KCNH8: variants seen among roughly 807,000 people sequenced by gnomAD.
KCNH8 encodes voltage-gated delayed rectifier potassium channel KCNH8.
In KCNH8, 70 loss-of-function variants were observed where a neutral mutation model predicts 103.6. That is an observed-to-expected ratio of 0.68 (90% CI 0.56 to 0.82). The LOEUF (loss-of-function observed/expected upper bound fraction) is 0.82, where lower values mean the gene tolerates loss of function less well. Ranked by LOEUF, KCNH8 falls within the 40% of genes least tolerant of loss-of-function variation. KCNH8 has a pLI of 0.00. For missense variants in KCNH8, 1,217 were observed against 1,329.9 expected, an observed-to-expected ratio of 0.92 and a Z score of 1.32; for synonymous variants, 498 against 489.4, an observed-to-expected ratio of 1.02 and a Z score of -0.23.
chr3:19,151,472 C>T (rs2063129184), intron 1 of KCNH8, among the ~76,000 whole-genome samples: 1 of 151,856 alleles, frequency 6.6e-6, no homozygotes, highest in Non-Finnish European at 1.5e-5. Context: ...AATTAGAGAG[C>T]AAACAACAAC....
At chr3:19,521,660 C>T (rs1255220615) in intron 15 of KCNH8, among the ~76,000 whole-genome samples, 1 of 151,804 alleles carries the variant, frequency 6.6e-6, no homozygotes, top group Non-Finnish European at 1.5e-5. Flanking sequence ...CTATTTTCAC[C>T]TAAGAGACTT....
chr3:19,366,923 A>G (rs1362318740), intron 5 of KCNH8, among the ~76,000 whole-genome samples: 1 of 152,044 alleles, frequency 6.6e-6, no homozygotes, highest in Non-Finnish European at 1.5e-5. Context: ...TGTGGATGTA[A>G]GTCTTTATGT....
chr3:19,432,377 T>C (rs1378829962), intron 7 of KCNH8, among the ~76,000 whole-genome samples: 1 of 152,164 alleles, frequency 6.6e-6, no homozygotes, highest in Non-Finnish European at 1.5e-5. Context: ...AGACGAGACC[T>C]GTCACTTCAT....
At chr3:19,271,057 T>C (rs2064580517) in intron 2 of KCNH8, among the ~76,000 whole-genome samples, 1 of 152,170 alleles carries the variant, frequency 6.6e-6, no homozygotes. Flanking sequence ...TAGCAATATA[T>C]AGAACCATAA....
chr3:19,524,648 G>T (rs2069031976), intron 15 of KCNH8, among the ~76,000 whole-genome samples: 1 of 151,890 alleles, frequency 6.6e-6, no homozygotes, highest in South Asian at 2.1e-4. Flanking sequence ...GATTTAAAAT[G>T]CATGTAACTT....
At chr3:19,434,717 G>T (rs947992540) in intron 7 of KCNH8, among the ~76,000 whole-genome samples, 4 of 152,022 alleles carry the variant, frequency 2.6e-5, no homozygotes, top group African/African-American at 9.7e-5. Flanking sequence ...TTTATGCTTG[G>T]AATTTGCATT....
chr3:19,258,911 CT>C (rs2064382050), intron 2 of KCNH8, among the ~76,000 whole-genome samples: 1 of 38,018 alleles, frequency 2.6e-5, no homozygotes, highest in African/African-American at 1.1e-4. Flanking sequence ...CTGTTTCTCT[CT>C]CTCTCTCTCT....
At chr3:19,171,081 T>A (rs984109521) in intron 1 of KCNH8, among the ~76,000 whole-genome samples, 1 of 152,058 alleles carries the variant, frequency 6.6e-6, no homozygotes, top group Non-Finnish European at 1.5e-5. Context: ...ATTACAGGCC[T>A]GAGCCACCAC....
At chr3:19,182,325 G>GT (rs1164393324) in intron 1 of KCNH8, among the ~76,000 whole-genome samples, 1 of 151,974 alleles carries the variant, frequency 6.6e-6, no homozygotes, top group African/African-American at 2.4e-5. Context: ...TCAGGAGATT[G>GT]AGACCATCCT....
At chr3:19,499,925 A>G (rs945689716) in intron 11 of KCNH8, among the ~76,000 whole-genome samples, 2 of 152,206 alleles carry the variant, frequency 1.3e-5, no homozygotes, top group East Asian at 1.9e-4. Flanking sequence ...ACAGGATCAA[A>G]TTCACACATA....
intron 2 of KCNH8, among the ~76,000 whole-genome samples, chr3:19,255,348 C>G (rs1345974130): frequency 1.3e-5 from 2 of 152,164 alleles, no homozygotes; most frequent in African/African-American, 2.4e-5. Flanking sequence ...GTTAAGACAG[C>G]TTAAGATGCT....
chr3:19,286,277 A>T (rs1051521837), intron 3 of KCNH8, among the ~76,000 whole-genome samples: 1 of 152,162 alleles, frequency 6.6e-6, no homozygotes, highest in African/African-American at 2.4e-5. Context: ...ATGTAACGGT[A>T]TTTGAGGCCT....
intron 15 of KCNH8, among the ~76,000 whole-genome samples, chr3:19,525,378 G>GATGATTCCTATACACATTAAAGTTTGAC (rs1336107515): frequency 1.3e-5 from 2 of 151,766 alleles, no homozygotes; most frequent in African/African-American, 4.8e-5. Flanking sequence ...TAAATCCCCA[G>GATGATTCCTATACACATTAAAGTTTGAC]ATGATTCCTA....
intron 11 of KCNH8, among the ~76,000 whole-genome samples, chr3:19,471,922 A>C (rs1437620384): frequency 6.6e-6 from 1 of 152,218 alleles, no homozygotes; most frequent in East Asian, 1.9e-4. Context: ...ACGTAAGTAA[A>C]AAATGAAGCA....
Position 19,252,520 on chromosome 3 carries a change from G to C in KCNH8, c.77-1134G>C, listed in dbSNP as rs570628322. Among the ~76,000 whole-genome samples the C allele has an allele frequency of 5.5e-4, 83 of 151,988 alleles. 1 individual carries two copies. The highest frequency in any genetic ancestry group is 2.0e-3 in the African/African-American group (83 of 41,476). On this transcript the variant is annotated intron_variant, in intron 1 of 15. Coordinates refer to ENST00000328405, the MANE Select transcript of KCNH8 (RefSeq NM_144633.3). ...TTCTCCTGTCTCAGCCTCCTGAGTA[G>C]CTGGGATTACAGGGGCCCACCACCA...
chr3:19,421,573 T>C (rs1428872115), intron 7 of KCNH8, among the ~76,000 whole-genome samples: 1 of 152,106 alleles, frequency 6.6e-6, no homozygotes, highest in Non-Finnish European at 1.5e-5. Context: ...GTTCTTTTGG[T>C]ATAAACTTTA....
chr3:19,301,336 A>G (rs1244235767), intron 3 of KCNH8, among the ~76,000 whole-genome samples: 1 of 148,896 alleles, frequency 6.7e-6, no homozygotes, highest in South Asian at 2.1e-4. Context: ...TAAAGAAAAT[A>G]CAAATATATA....
At chr3:19,311,637 G>A (rs9843569) in intron 3 of KCNH8, among the ~76,000 whole-genome samples, 16,474 of 151,688 alleles carry the variant, frequency 0.11, 1,024 homozygotes, top group East Asian at 0.18. Context: ...TGTAGTTTTG[G>A]TGGAGGGCAG....
chr3:19,329,325 A>G (rs147107049), intron 3 of KCNH8, among the ~76,000 whole-genome samples: 7 of 152,204 alleles, frequency 4.6e-5, no homozygotes, highest in East Asian at 1.9e-4. Context: ...TGATATTACT[A>G]TAACTTTATC....
Sources: allele counts gnomAD v4.1 joint callset (sites outside exome capture counted in the v4.1 genomes callset), GRCh38; gene constraint gnomAD v4.1.1; transcripts MANE v1.5; gene names NCBI Gene and HGNC (gene_info 2026-07-23, HGNC 2026-07-21).